Variants in JAZF1 observed in about 807,000 individuals in gnomAD.
The protein encoded by JAZF1 is juxtaposed with another zinc finger protein 1.
Under a neutral mutation model 26.4 loss-of-function variants are expected in JAZF1, and 8 were observed. The ratio of observed to expected loss-of-function variants is 0.30; its 90% CI spans 0.18 to 0.55. The LOEUF (loss-of-function observed/expected upper bound fraction) is 0.55. JAZF1 is among the 20% of genes least tolerant of loss of function. JAZF1 has a pLI of 0.94. For missense variants in JAZF1, 199 were observed against 322.0 expected (o/e 0.62, Z 2.92); for synonymous variants, 126 against 122.3 (o/e 1.03, Z -0.20).
At chr7:27,946,629 T>C (rs530680992) in intron 2 of JAZF1, among the ~76,000 whole-genome samples, 1 of 152,312 alleles carries the variant, frequency 6.6e-6, no homozygotes, top group South Asian at 2.1e-4. Context: ...TGTCAGATGT[T>C]GGGGTAGGGA....
At chr7:27,914,785 G>A (rs1370051237) in intron 2 of JAZF1, 1 of 471,022 alleles carries the variant, frequency 2.1e-6, no homozygotes, top group Admixed American at 2.3e-5. Flanking sequence ...GTTCAGCCTT[G>A]ACTCCATCTG....
At chr7:28,084,734 C>A (rs987660165) in intron 1 of JAZF1, among the ~76,000 whole-genome samples, 3 of 152,138 alleles carry the variant, frequency 2.0e-5, no homozygotes, top group African/African-American at 7.2e-5. Context: ...TGGGCAGGCT[C>A]CCTCTCTCTT....
chr7:27,867,820 T>A (rs777610498), intron 3 of JAZF1, among the ~76,000 whole-genome samples: 1 of 152,254 alleles, frequency 6.6e-6, no homozygotes, highest in Non-Finnish European at 1.5e-5. Flanking sequence ...ATTCATGTCC[T>A]ACATGCTTAT....
chr7:27,846,182 C>G (rs1408590145), intron 3 of JAZF1, among the ~76,000 whole-genome samples: 1 of 151,986 alleles, frequency 6.6e-6, no homozygotes, highest in Non-Finnish European at 1.5e-5. Flanking sequence ...TGACATTTTC[C>G]ACATATAAGT....
intron 1 of JAZF1, among the ~76,000 whole-genome samples, chr7:28,169,754 T>C (rs1045253014): frequency 1.3e-4 from 20 of 152,198 alleles, no homozygotes; most frequent in African/African-American, 4.8e-4. Context: ...TACCATGGTG[T>C]TCAATTTACT....
At chr7:27,925,231 C>A (rs1784588854) in intron 2 of JAZF1, among the ~76,000 whole-genome samples, 2 of 152,096 alleles carry the variant, frequency 1.3e-5, no homozygotes, top group Admixed American at 1.3e-4. Flanking sequence ...AAAGTAAAAA[C>A]CACACAGCAA....
intron 3 of JAZF1, chr7:27,842,156 A>T (rs748844523): frequency 4.6e-5 from 7 of 152,168 alleles, no homozygotes; most frequent in Admixed American, 1.3e-4. Context: ...GAAAGGAGCC[A>T]GGAAGGAAGG....
chr7:27,877,300 T>C (rs2128338958), intron 3 of JAZF1, among the ~76,000 whole-genome samples: 1 of 152,312 alleles, frequency 6.6e-6, no homozygotes, highest in South Asian at 2.1e-4. Context: ...ACCAAACTTT[T>C]TTTTGTTGTA....
chr7:27,857,024 A>G (rs1045708524), intron 3 of JAZF1, among the ~76,000 whole-genome samples: 4 of 152,234 alleles, frequency 2.6e-5, no homozygotes, highest in African/African-American at 9.6e-5. Flanking sequence ...CCGCAGGTGG[A>G]GCTGCCTGCC....
chr7:28,106,793 G>A lies in JAZF1; in HGVS notation c.115+73670C>T, dbSNP rs970736470. 2.6e-5 allele frequency among the ~76,000 whole-genome samples: 4 copies of A among 152,140 alleles called. No homozygotes were observed. In the East Asian group the frequency reaches 5.8e-4, roughly 22 times the overall value. On this transcript the variant is annotated intron_variant, in intron 1 of 4. Transcript: ENST00000283928. ...TTCAGCTGTGAGCACCATGCACCCC[G>A]ATAGGAAATACTGTACTATATATAT...
intron 1 of JAZF1, among the ~76,000 whole-genome samples, chr7:27,995,072 A>G (rs1357523084): frequency 2.6e-5 from 4 of 152,242 alleles, no homozygotes; most frequent in African/African-American, 7.2e-5. Context: ...TATTCATTAG[A>G]CATTACTAAA....
chr7:27,913,490 A>C, intron 2 of JAZF1: 1 of 364,928 alleles, frequency 2.7e-6, no homozygotes, highest in South Asian at 2.0e-5. Flanking sequence ...AAGAGACCCC[A>C]CGTGAACAGA....
At chr7:28,005,019 A>G (rs1163921862) in intron 1 of JAZF1, among the ~76,000 whole-genome samples, 1 of 152,170 alleles carries the variant, frequency 6.6e-6, no homozygotes, top group Non-Finnish European at 1.5e-5. Flanking sequence ...TTCTATACAG[A>G]AAGTATTAAG....
chr7:28,022,653 T>C (rs3886550), intron 1 of JAZF1, among the ~76,000 whole-genome samples: 137,100 of 152,308 alleles, frequency 0.9, 62,419 homozygotes, highest in African/African-American at 0.98. Context: ...CCTTTACTAT[T>C]CTCTTAGTCT....
chr7:28,120,498 G>GTTTTTTTTTT (rs1345204155), intron 1 of JAZF1, among the ~76,000 whole-genome samples: 2 of 41,084 alleles, frequency 4.9e-5, no homozygotes, highest in African/African-American at 7.3e-5. Flanking sequence ...GCCACACACA[G>GTTTTTTTTTT]TTCTTTTTTT....
intron 2 of JAZF1, among the ~76,000 whole-genome samples, chr7:27,944,854 G>T (rs916820894): frequency 6.6e-6 from 1 of 151,920 alleles, no homozygotes; most frequent in Non-Finnish European, 1.5e-5. Flanking sequence ...GGCCTTCCAA[G>T]GGACAGAAAA....
intron 1 of JAZF1, among the ~76,000 whole-genome samples, chr7:28,078,454 G>A (rs1784087852): frequency 6.6e-6 from 1 of 152,158 alleles, no homozygotes; most frequent in African/African-American, 2.4e-5. Context: ...CCATCTCCAT[G>A]CAATCACCTA....
At chr7:27,997,281 C>T (rs910805569) in intron 1 of JAZF1, among the ~76,000 whole-genome samples, 2 of 152,018 alleles carry the variant, frequency 1.3e-5, no homozygotes, top group Admixed American at 6.6e-5. Context: ...TATCCAGGGA[C>T]ACTAAAGCAA....
At chr7:27,914,126 C>G (rs1429824130) in intron 2 of JAZF1, among the ~76,000 whole-genome samples, 3 of 152,132 alleles carry the variant, frequency 2.0e-5, no homozygotes, top group Admixed American at 6.5e-5. Flanking sequence ...CGCCTGCTAT[C>G]TGTTTGCTAT....
Sources: allele counts gnomAD v4.1 joint callset (sites outside exome capture counted in the v4.1 genomes callset), GRCh38; gene constraint gnomAD v4.1.1; transcripts MANE v1.5; gene names NCBI Gene and HGNC (gene_info 2026-07-23, HGNC 2026-07-21).